CDH13: variants seen among roughly 807,000 people sequenced by gnomAD.
CDH13 encodes cadherin-13.
CDH13 carries 24 observed loss-of-function variants against 63.8 expected under a neutral mutation model. That is an observed-to-expected ratio of 0.38 (90% confidence interval 0.27 to 0.53). The LOEUF is 0.53. CDH13 is among the 20% of genes least tolerant of loss of function. The pLI is 0.85. For synonymous variants in CDH13, 503 were observed against 355.3 expected, an observed-to-expected ratio of 1.42 and a Z score of -4.67; for missense variants, 1,049 against 903.1, an observed-to-expected ratio of 1.16 and a Z score of -2.07.
intron 2 of CDH13, among the ~76,000 whole-genome samples, chr16:82,973,660 A>T (rs945308907): frequency 2.0e-5 from 3 of 152,222 alleles, no homozygotes; most frequent in Non-Finnish European, 4.4e-5. Context: ...TGGAGGCTGC[A>T]GCGGGTCAAG....
intron 6 of CDH13, among the ~76,000 whole-genome samples, chr16:83,446,311 A>G (rs1245004809): frequency 2.6e-5 from 4 of 151,824 alleles, no homozygotes; most frequent in Admixed American, 2.0e-4. Context: ...AAAAAAAAAA[A>G]AAAAAGAAAG....
chr16:82,828,707 T>TAC (rs979439141), intron 1 of CDH13, among the ~76,000 whole-genome samples: 2 of 151,838 alleles, frequency 1.3e-5, no homozygotes, highest in African/African-American at 2.4e-5. Context: ...TATACATATA[T>TAC]ACACACACAC....
intron 1 of CDH13, among the ~76,000 whole-genome samples, chr16:82,724,164 G>A (rs2032951854): frequency 6.6e-6 from 1 of 152,062 alleles, no homozygotes; most frequent in Admixed American, 6.6e-5. Context: ...TACACAAATT[G>A]TACTTTTTCT....
At chr16:83,778,756 G>T (rs1389111635) in intron 11 of CDH13, among the ~76,000 whole-genome samples, 1 of 152,104 alleles carries the variant, frequency 6.6e-6, no homozygotes, top group Admixed American at 6.5e-5. Context: ...AATCTGTCCT[G>T]TCCAGCAGGG....
intron 2 of CDH13, among the ~76,000 whole-genome samples, chr16:82,911,838 G>A (rs548817098): frequency 1.6e-4 from 25 of 151,962 alleles, no homozygotes; most frequent in Non-Finnish European, 2.8e-4. Context: ...CAAAAGCCCC[G>A]TGAGTGGCTG....
At chr16:83,416,276 A>G (rs941965755) in intron 6 of CDH13, among the ~76,000 whole-genome samples, 1 of 152,226 alleles carries the variant, frequency 6.6e-6, no homozygotes, top group African/African-American at 2.4e-5. Flanking sequence ...GATCTTGTAT[A>G]GATGGATTGG....
At chr16:83,460,991 A>ACACG (rs1555552613) in intron 6 of CDH13, among the ~76,000 whole-genome samples, 3 of 111,424 alleles carry the variant, frequency 2.7e-5, no homozygotes, top group Non-Finnish European at 5.7e-5. Context: ...AAACACACAC[A>ACACG]CACGCACACA....
At chr16:83,395,016 T>C (rs11645852) in intron 6 of CDH13, among the ~76,000 whole-genome samples, 41,685 of 151,788 alleles carry the variant, frequency 0.27, 5,943 homozygotes, top group African/African-American at 0.33. Context: ...GGCATGGTGG[T>C]GGGCACCTGT....
intron 10 of CDH13, among the ~76,000 whole-genome samples, chr16:83,713,428 T>C (rs550923774): frequency 6.6e-6 from 1 of 151,756 alleles, no homozygotes; most frequent in South Asian, 2.1e-4. Flanking sequence ...TTATACAGAG[T>C]TGGGGAGGGA....
intron 6 of CDH13, among the ~76,000 whole-genome samples, chr16:83,346,845 T>C (rs1455931184): frequency 6.6e-6 from 1 of 152,240 alleles, no homozygotes; most frequent in African/African-American, 2.4e-5. Flanking sequence ...ATTTCTTAAA[T>C]CACAGAGTTA....
intron 7 of CDH13, among the ~76,000 whole-genome samples, chr16:83,557,540 T>C (rs1746829549): frequency 6.6e-6 from 1 of 152,158 alleles, no homozygotes; most frequent in Non-Finnish European, 1.5e-5. Context: ...AAGCTCTCTG[T>C]AAGCCTTTCG....
chr16:83,429,742 C>G (rs2151481394), intron 6 of CDH13, among the ~76,000 whole-genome samples: 1 of 152,302 alleles, frequency 6.6e-6, no homozygotes, highest in South Asian at 2.1e-4. Context: ...TAATATTCCA[C>G]TATGACATGA....
At chr16:82,869,772 TC>T (rs745489795) in intron 2 of CDH13, among the ~76,000 whole-genome samples, 20 of 152,066 alleles carry the variant, frequency 1.3e-4, no homozygotes, top group Non-Finnish European at 1.6e-4. Context: ...AAACTGGATA[TC>T]CATATGCAGA....
At chr16:83,676,347 G>A (rs73250472) in intron 9 of CDH13, among the ~76,000 whole-genome samples, 11,424 of 152,116 alleles carry the variant, frequency 0.075, 705 homozygotes, top group African/African-American at 0.17. Context: ...GGGGGACTGG[G>A]GTGCTCTGCA....
intron 1 of CDH13, among the ~76,000 whole-genome samples, chr16:82,766,709 C>A (rs970666652): frequency 6.6e-6 from 1 of 152,120 alleles, no homozygotes; most frequent in Non-Finnish European, 1.5e-5. Flanking sequence ...ATATCATTAT[C>A]CAAATAAATA....
chr16:83,034,882 C>T (rs766685912), intron 3 of CDH13, among the ~76,000 whole-genome samples: 35 of 152,102 alleles, frequency 2.3e-4, no homozygotes, highest in Non-Finnish European at 1.0e-4. Flanking sequence ...GGCTGTTTCT[C>T]GCTTGCTGCT....
chr16:83,783,523 C>G, intron 13 of CDH13, 51 bp downstream of exon 13: 6 of 1,426,628 alleles, frequency 4.2e-6, no homozygotes, highest in Non-Finnish European at 5.9e-6. Context: ...TGTAACTTCA[C>G]TGGGTTCGTG....
At chr16:83,057,319 T>C (rs2031052402) in intron 3 of CDH13, among the ~76,000 whole-genome samples, 1 of 152,076 alleles carries the variant, frequency 6.6e-6, no homozygotes, top group South Asian at 2.1e-4. Flanking sequence ...GTGGTTACCT[T>C]TGAAAAGGTG....
intron 1 of CDH13, among the ~76,000 whole-genome samples, chr16:82,779,354 C>T (rs12920400): frequency 6.6e-6 from 1 of 151,994 alleles, no homozygotes. Context: ...AACTATCCAG[C>T]CAGAAAGAGC....
Sources: allele counts gnomAD v4.1 joint callset (sites outside exome capture counted in the v4.1 genomes callset), GRCh38; gene constraint gnomAD v4.1.1; transcripts MANE v1.5; gene names NCBI Gene and HGNC (gene_info 2026-07-23, HGNC 2026-07-21).